Variants in PCDH15 observed in about 807,000 individuals in gnomAD.
The protein encoded by PCDH15 is protocadherin-15.
In PCDH15, 129 loss-of-function variants were observed where a neutral mutation model predicts 178.5. The ratio of observed to expected loss-of-function variants is 0.72; its 90% CI spans 0.63 to 0.84. The LOEUF (loss-of-function observed/expected upper bound fraction) is 0.84. PCDH15 is among the 40% of genes least tolerant of loss of function. PCDH15 has a pLI of 0.00. For missense variants in PCDH15, 2,230 were observed against 2,099.9 expected, an observed-to-expected ratio of 1.06 and a Z score of -1.21; for synonymous variants, 800 against 732.0, an observed-to-expected ratio of 1.09 and a Z score of -1.50.
chr10:54,585,978 C>T (rs770949648), intron 2 of PCDH15, among the ~76,000 whole-genome samples: 13 of 151,756 alleles, frequency 8.6e-5, no homozygotes, highest in South Asian at 2.1e-4. Context: ...TAGCCCTGCC[C>T]GAGAAGGGAC....
At chr10:54,999,803 G>A (rs1008925604) in intron 2 of PCDH15, among the ~76,000 whole-genome samples, 37 of 152,294 alleles carry the variant, frequency 2.4e-4, no homozygotes, top group African/African-American at 7.0e-4. Flanking sequence ...AGAAATAAAG[G>A]GACAGAATAC....
At chr10:55,405,305 C>CTATATATATATATAT (rs1838172422) in intron 2 of PCDH15, among the ~76,000 whole-genome samples, 1 of 123,760 alleles carries the variant, frequency 8.1e-6, no homozygotes. Context: ...TATATATATA[C>CTATATATATATATAT]AATTTAATGT....
At chr10:53,826,779 C>A (rs12244224) in intron 32 of PCDH15, among the ~76,000 whole-genome samples, 5,704 of 152,034 alleles carry the variant, frequency 0.038, 366 homozygotes, top group African/African-American at 0.13. Context: ...CGGTAATCAC[C>A]GCAGTCTGAG....
chr10:53,851,699 TATATATATATATATATATATATA>T, intron 28 of PCDH15, among the ~76,000 whole-genome samples: 2 of 80,088 alleles, frequency 2.5e-5, no homozygotes, highest in East Asian at 2.0e-4. Flanking sequence ...TATATATATA[TATATATATATATATATATATATA>T]TTTACACACA....
chr10:55,571,869 A>G (rs969878079), intron 2 of PCDH15, among the ~76,000 whole-genome samples: 1 of 152,048 alleles, frequency 6.6e-6, no homozygotes, highest in African/African-American at 2.4e-5. Flanking sequence ...ATACTTTATC[A>G]TCGTATGCAC....
chr10:54,848,382 CAAAA>C (rs34830502), intron 3 of PCDH15, among the ~76,000 whole-genome samples: 2 of 85,180 alleles, frequency 2.3e-5, no homozygotes, highest in African/African-American at 4.6e-5. Flanking sequence ...AACTCCATCT[CAAAA>C]AAAAAAAAAA....
At chr10:54,521,991 G>A (rs934232027) in intron 3 of PCDH15, among the ~76,000 whole-genome samples, 2 of 150,250 alleles carry the variant, frequency 1.3e-5, no homozygotes, top group African/African-American at 4.9e-5. Context: ...GGGAGGCTGA[G>A]GCAGGAGAAT....
chr10:54,844,788 T>C (rs1953476462), intron 3 of PCDH15, among the ~76,000 whole-genome samples: 1 of 152,008 alleles, frequency 6.6e-6, no homozygotes, highest in African/African-American at 2.4e-5. Context: ...AACTTTTCAA[T>C]AAATTTCCAC....
intron 26 of PCDH15, among the ~76,000 whole-genome samples, chr10:53,870,331 T>C (rs1240823015): frequency 6.6e-6 from 1 of 152,202 alleles, no homozygotes; most frequent in Non-Finnish European, 1.5e-5. Context: ...TTCATATAAA[T>C]GCCTTAATAT....
intron 2 of PCDH15, among the ~76,000 whole-genome samples, chr10:55,556,539 A>G (rs1564452609): frequency 6.6e-6 from 1 of 152,072 alleles, no homozygotes; most frequent in South Asian, 2.1e-4. Context: ...TTTAAAAGTT[A>G]TTTACATTGG....
chr10:54,163,705 G>A (rs746446760), intron 13 of PCDH15, among the ~76,000 whole-genome samples: 3 of 152,052 alleles, frequency 2.0e-5, no homozygotes, highest in Non-Finnish European at 4.4e-5. Context: ...AGTAGAGATG[G>A]CTTTTAGGCA....
chr10:54,988,051 G>C (rs1415331667), intron 2 of PCDH15, among the ~76,000 whole-genome samples: 1 of 152,102 alleles, frequency 6.6e-6, no homozygotes, highest in African/African-American at 2.4e-5. Context: ...AAGGTATAAG[G>C]AAGGGGTCCA....
intron 2 of PCDH15, among the ~76,000 whole-genome samples, chr10:55,535,394 A>T (rs146918608): frequency 6.6e-6 from 1 of 152,220 alleles, no homozygotes; most frequent in South Asian, 2.1e-4. Flanking sequence ...CTAGGGCAAC[A>T]AAATCATAAT....
intron 3 of PCDH15, among the ~76,000 whole-genome samples, chr10:54,849,901 A>G (rs2131764038): frequency 6.6e-6 from 1 of 152,274 alleles, no homozygotes; most frequent in African/African-American, 2.4e-5. Context: ...CTTAATATTC[A>G]TAATTAGGAT....
At chr10:55,206,981 A>T (rs560861263) in intron 1 of PCDH15, among the ~76,000 whole-genome samples, 1 of 152,108 alleles carries the variant, frequency 6.6e-6, no homozygotes, top group East Asian at 1.9e-4. Flanking sequence ...ATCTCTCTAT[A>T]TTGATCTCTC....
intron 2 of PCDH15, among the ~76,000 whole-genome samples, chr10:54,913,999 CAT>C (rs1448522950): frequency 2.0e-5 from 3 of 152,110 alleles, no homozygotes; most frequent in Non-Finnish European, 4.4e-5. Flanking sequence ...TGCCTTGTCT[CAT>C]ATGAGACTTT....
intron 1 of PCDH15, among the ~76,000 whole-genome samples, chr10:54,681,522 T>C (rs1464783074): frequency 1.3e-5 from 2 of 152,124 alleles, no homozygotes; most frequent in African/African-American, 4.8e-5. Flanking sequence ...AGAATGCTAA[T>C]ATGTTGAGTG....
At chr10:54,240,626 C>CTTTTTTTTTTTTTTTCT (rs2055152486) in intron 8 of PCDH15, among the ~76,000 whole-genome samples, 1 of 79,662 alleles carries the variant, frequency 1.3e-5, no homozygotes, top group Admixed American at 2.0e-4. Context: ...TTTTCTTTTG[C>CTTTTTTTTTTTTTTTCT]TTTTTTTTTT....
intron 2 of PCDH15, among the ~76,000 whole-genome samples, chr10:54,581,622 A>G (rs2091046589): frequency 6.6e-6 from 1 of 152,092 alleles, no homozygotes; most frequent in South Asian, 2.1e-4. Context: ...AGCTAAAGGA[A>G]GGTAAACAAA....
Sources: gnomAD v4.1 joint callset for allele counts (sites outside exome capture counted in the v4.1 genomes callset) on GRCh38, gnomAD v4.1.1 for gene constraint, MANE v1.5 for transcripts, NCBI Gene and HGNC (gene_info 2026-07-23, HGNC 2026-07-21) for gene names.